SLC2A1: variants seen among roughly 807,000 people sequenced by gnomAD.
SLC2A1 encodes solute carrier family 2 member 1, also known as solute carrier family 2, facilitated glucose transporter member 1.
SLC2A1 carries 4 observed loss-of-function variants against 46.6 expected under a neutral mutation model. The ratio of observed to expected loss-of-function variants is 0.09; its 90% confidence interval spans 0.04 to 0.20. SLC2A1 has a LOEUF of 0.20. Among genes scored for constraint, SLC2A1 ranks in the 10% least tolerant of loss-of-function variants. The pLI is 1.00. For synonymous variants in SLC2A1, 253 were observed against 270.0 expected, an observed-to-expected ratio of 0.94 and a Z score of 0.62; for missense variants, 352 against 667.0, an observed-to-expected ratio of 0.53 and a Z score of 5.20.
At chr1:42,945,303 G>C (rs921741367) in intron 1 of SLC2A1, among the ~76,000 whole-genome samples, 4 of 152,132 alleles carry the variant, frequency 2.6e-5, no homozygotes, top group Admixed American at 1.3e-4. Flanking sequence ...CTGGGAGTTC[G>C]AGGCCGCAGT....
intron 2 of SLC2A1, among the ~76,000 whole-genome samples, chr1:42,933,663 G>A (rs187832492): frequency 1.8e-4 from 27 of 152,230 alleles, no homozygotes; most frequent in African/African-American, 6.3e-4. Context: ...GAACGGTAAT[G>A]CCCCGTTTAT....
chr1:42,943,633 T>G (rs930008480), intron 1 of SLC2A1, among the ~76,000 whole-genome samples: 1 of 152,092 alleles, frequency 6.6e-6, no homozygotes, highest in African/African-American at 2.4e-5. Context: ...GGTGGAGCCA[T>G]GCCTAGGGTC....
intron 1 of SLC2A1, chr1:42,952,502 C>A: frequency 2.3e-6 from 1 of 426,504 alleles, no homozygotes. Context: ...TCAGGATCAG[C>A]TCCAGCCGCA....
At chr1:42,937,859 C>A (rs1643557220) in intron 2 of SLC2A1, among the ~76,000 whole-genome samples, 1 of 152,156 alleles carries the variant, frequency 6.6e-6, no homozygotes, top group Non-Finnish European at 1.5e-5. Flanking sequence ...TTCAGCCTGA[C>A]GGGACACAGG....
Position 42,958,838 on chromosome 1 carries a change from G to A in SLC2A1, c.-187C>T, listed in dbSNP as rs1033429909. On this transcript the variant is annotated 5_prime_UTR_variant, in exon 1 of 10. Transcript: ENST00000426263. ...CTCGGGGACCCGCGACTAGCGACCG[G>A]CACGCTCGCTGTTGCTACCTCTTGC... is the stretch of plus-strand genomic sequence containing the variant. 9.3e-5 allele frequency: 54 copies of A among 579,204 alleles called. No homozygotes were observed. Among genetic ancestry groups the A allele is most frequent in the Middle Eastern group, 5.5e-4 (2 of 3,604 alleles). The allele number at this position is 579,204 out of a possible 1,614,324, so 35.9% of individuals were successfully genotyped here.
At chr1:42,950,364 C>T (rs1028587762) in intron 1 of SLC2A1, among the ~76,000 whole-genome samples, 10 of 152,212 alleles carry the variant, frequency 6.6e-5, no homozygotes, top group African/African-American at 2.2e-4. Context: ...TTAAGCCCCA[C>T]GTCCCCTGAG....
chr1:42,930,528 G>C lies in SLC2A1; in HGVS notation c.516+98C>G, dbSNP rs911287867. ...GTCCTCTGCAAGGCTGTGGGGGCTG[G>C]GCGGAAGAGAAACTCTGCCCTGCTG... is the stretch of plus-strand genomic sequence containing the variant. On this transcript the variant is annotated intron_variant, in intron 4 of 9. Transcript: ENST00000426263. The surrounding 1 kb of genome is among the most constrained non-coding windows in gnomAD (Gnocchi z 6.2). 8 of 1,525,384 alleles carry C rather than the reference G, an allele frequency of 5.2e-6. No homozygotes were observed. The African/African-American group carries it at 6.9e-5, about 13-fold the overall frequency. 94.5% of individuals were successfully genotyped at this position (1,525,384 alleles called of 1,614,324 possible). A position where few individuals can be genotyped will look rare whatever the true frequency, so the allele number is the denominator to read the frequency against.
At chr1:42,934,275 A>G (rs537310839) in intron 2 of SLC2A1, among the ~76,000 whole-genome samples, 1 of 152,062 alleles carries the variant, frequency 6.6e-6, no homozygotes, top group South Asian at 2.1e-4. Context: ...CTGCTCTGTT[A>G]CTCAGACCAC....
rs1266657991 is a variant in SLC2A1 at position 42,926,949 on chromosome 1, C to G, written c.*92G>C. 2 of 1,560,446 alleles carry G rather than the reference C, an allele frequency of 1.3e-6. No individual in the cohort carries two copies. The highest frequency in any genetic ancestry group is 3.7e-5 in the Admixed American group (2 of 54,694). On this transcript the variant is annotated 3_prime_UTR_variant, in exon 10 of 10. Coordinates refer to ENST00000426263, the MANE Select transcript of SLC2A1 (RefSeq NM_006516.4). The stretch of plus-strand genomic sequence containing the variant: ...GCCCCAGGCCCGGCTCGGCTGACAT[C>G]TGTCAGGTTTGGAAGTCTCATCCAG...
At position 42,931,205 on chromosome 1, in the gene SLC2A1, A is replaced by G; in HGVS notation, c.116T>C (p.Val39Ala). 6.2e-7 allele frequency: 1 copy of G among 1,613,424 alleles called. No homozygotes were observed. The highest frequency in any genetic ancestry group is 8.5e-7 in the Non-Finnish European group (1 of 1,179,438). Residue 39 changes from valine to alanine, a missense_variant and splice_region_variant, in exon 3 of 10, where the codon GTG becomes GCG. Around this residue, in one of 5 missense-constraint regions of SLC2A1, gnomAD observed 97 missense variants for 175.6 expected, o/e 0.55. Transcript: ENST00000426263. ...NTGVINAPQK[V>A]IEEFYNQTWV... ...TGTCTGGTTGTAGAACTCCTCGATC[A>G]CCTGCAGGGGGAGATGCAGCCTGGG...
intron 2 of SLC2A1, among the ~76,000 whole-genome samples, 187 bp from the exon 3 acceptor site, chr1:42,931,393 G>C (rs536183755): frequency 6.6e-6 from 1 of 152,194 alleles, no homozygotes; most frequent in African/African-American, 2.4e-5. Flanking sequence ...GAAACAAGGG[G>C]TTGGAGTTCA....
intron 1 of SLC2A1, among the ~76,000 whole-genome samples, chr1:42,945,738 CAA>C (rs1166067644): frequency 1.7e-5 from 2 of 115,430 alleles, no homozygotes; most frequent in Non-Finnish European, 2.0e-5. Flanking sequence ...GACTCTGTCT[CAA>C]AAAAAAAAAA....
At chr1:42,934,508 T>C (rs546324456) in intron 2 of SLC2A1, among the ~76,000 whole-genome samples, 9 of 152,268 alleles carry the variant, frequency 5.9e-5, no homozygotes, top group African/African-American at 2.2e-4. Flanking sequence ...GGGATTCGTA[T>C]GGGGTTCCAC....
rs759782322 is a variant in SLC2A1, at chr1:42,929,140, G to A, written c.972+70C>T. 5.8e-6 allele frequency: 9 copies of A among 1,553,128 alleles called. No homozygotes were observed. In the South Asian group the frequency reaches 8.9e-5, roughly 15 times the overall value. Reference sequence around the variant, plus strand: ...TGAGAAAGTCACAGGGCACTGCAAAGACCAGTGGGGAAGATGGCACTGCCT... The same window carrying A: ...TGAGAAAGTCACAGGGCACTGCAAAAACCAGTGGGGAAGATGGCACTGCCT... On this transcript the variant is annotated intron_variant, in intron 7 of 9. Transcript: ENST00000426263. This position sits in a 1 kb window ranked among gnomAD's most constrained non-coding sequence, Gnocchi z 6.0.
intron 1 of SLC2A1, chr1:42,952,031 G>A (rs1004166843): frequency 2.3e-6 from 1 of 427,898 alleles, no homozygotes; most frequent in East Asian, 3.5e-5. Flanking sequence ...GATGGGTGAT[G>A]AGGGGGCCCA....
chr1:42,949,558 C>G (rs1643698846), intron 1 of SLC2A1, among the ~76,000 whole-genome samples: 1 of 152,208 alleles, frequency 6.6e-6, no homozygotes, highest in Admixed American at 6.5e-5. Context: ...TTTAAGCCTT[C>G]CAATGATATC....
At chr1:42,928,001 G>A (rs1643445914) in intron 8 of SLC2A1, among the ~76,000 whole-genome samples, 193 bp from the exon 9 acceptor site, 1 of 152,224 alleles carries the variant, frequency 6.6e-6, no homozygotes, top group Non-Finnish European at 1.5e-5. Context: ...GTCCTGCAGG[G>A]TGGCTGCAAG....
At position 42,930,916 on chromosome 1, in the gene SLC2A1, GA is replaced by G. The variant is rs745916537; in HGVS notation, c.276-51del. The stretch of plus-strand genomic sequence containing the variant: ...CCAGTGCCCACATTCCTTGGGCTCC[GA>G]GGGGCTGGGTCAGAGGTAATACCCT... On this transcript the variant is annotated intron_variant, in intron 3 of 9. Coordinates refer to ENST00000426263, the MANE Select transcript of SLC2A1 (RefSeq NM_006516.4). This position sits in a 1 kb window ranked among gnomAD's most constrained non-coding sequence, Gnocchi z 6.2. 6.2e-7 allele frequency: 1 copy of G among 1,604,106 alleles called. No homozygotes were observed. Among genetic ancestry groups the G allele is most frequent in the Non-Finnish European group, 8.5e-7 (1 of 1,179,712 alleles).
At chr1:42,943,057 G>T (rs1460260693) in intron 2 of SLC2A1, 169 bp downstream of exon 2, 8 of 661,854 alleles carry the variant, frequency 1.2e-5, no homozygotes, top group Admixed American at 2.1e-5. Flanking sequence ...TCCAAAGCAA[G>T]AGAAGAGTCT....
Sources: allele counts gnomAD v4.1 joint callset (sites outside exome capture counted in the v4.1 genomes callset), GRCh38; gene constraint gnomAD v4.1.1; regional missense constraint gnomAD v4.1.1; non-coding constraint Gnocchi (gnomAD v3.1); transcripts MANE v1.5; gene names NCBI Gene and HGNC (gene_info 2026-07-23, HGNC 2026-07-21).